HPS4: variants seen among roughly 807,000 people sequenced by gnomAD.
HPS4 encodes BLOC-3 complex member HPS4.
HPS4 carries 44 observed loss-of-function variants against 70.3 expected under a neutral mutation model. That is an observed-to-expected ratio of 0.63 (90% CI 0.49 to 0.80). HPS4 has a LOEUF of 0.80. Among genes scored for constraint, HPS4 ranks in the 30% least tolerant of loss-of-function variants. The pLI, the probability that HPS4 is intolerant of heterozygous loss-of-function variation, is 0.00. For missense variants in HPS4, 873 were observed against 884.4 expected (o/e 0.99, Z 0.16); for synonymous variants, 377 against 355.9 (o/e 1.06, Z -0.67).
At chr22:26,460,442 C>T (rs1281584943) in intron 11 of HPS4, among the ~76,000 whole-genome samples, 1 of 152,228 alleles carries the variant, frequency 6.6e-6, no homozygotes, top group Admixed American at 6.5e-5. Context: ...AGTCAAACCA[C>T]AGCCTCACTG....
At chr22:26,456,857 T>A (rs1037510796) in intron 13 of HPS4, among the ~76,000 whole-genome samples, 1 of 152,106 alleles carries the variant, frequency 6.6e-6, no homozygotes, top group African/African-American at 2.4e-5. Flanking sequence ...TCTGGTTTCA[T>A]AAGAGAAGCA....
rs777788804 is a variant in HPS4 at position 26,466,181 on chromosome 22, A to G, written c.706+45T>C. 5 of 1,613,552 alleles carry G rather than the reference A, an allele frequency of 3.1e-6. No homozygotes were observed. The East Asian group carries it at 8.9e-5, about 29-fold the overall frequency. On this transcript the variant is annotated intron_variant, in intron 9 of 13. Transcript: ENST00000398145. ...AACTTGTACAGGGGTAGGTAGCATA[A>G]AAGACCGCCGTTCTCAAGAGGCAAC... is the stretch of plus-strand genomic sequence containing the variant.
chr22:26,468,201 C>G (rs2089077765), intron 8 of HPS4: 1 of 327,416 alleles, frequency 3.1e-6, no homozygotes, highest in African/African-American at 2.2e-5. Flanking sequence ...CCGTGCCCAA[C>G]CCCCTAAATC....
At chr22:26,444,934 C>T (rs940838903) in intron 3 of HPS4, 5 of 152,172 alleles carry the variant, frequency 3.3e-5, no homozygotes, top group African/African-American at 1.2e-4. Context: ...AACCAACAGC[C>T]CGCGCAGGTA....
At position 26,464,709 on chromosome 22, in the gene HPS4, G is replaced by T. The variant is rs745353489; in HGVS notation, c.921C>A (p.Thr307=). 1.3e-5 allele frequency: 21 copies of T among 1,604,582 alleles called. No homozygotes were observed. The highest frequency in any genetic ancestry group is 1.7e-5 in the Non-Finnish European group (20 of 1,173,868). Residue 307 remains threonine, a synonymous_variant, in exon 11 of 14, where the codon ACC becomes ACA. Transcript: ENST00000398145. The part of the protein sequence containing the change: ...ATGHVESMAW[T]TPDPTSPDEA... ...CGTCAGGGGATGTGGGATCTGGGGT[G>T]GTCCAGGCCATGGATTCCACATGGC...
downstream of HPS4, among the ~76,000 whole-genome samples, chr22:26,445,972 G>A (rs111749765): frequency 8.5e-3 from 1,295 of 152,292 alleles, 8 homozygotes; most frequent in Middle Eastern, 0.017. Flanking sequence ...ACCTGCAAGC[G>A]AGGTTCCAGC....
At position 26,464,506 on chromosome 22, in the gene HPS4, G is replaced by A. The variant is rs558884663; in HGVS notation, c.1124C>T (p.Pro375Leu). The A allele has an allele frequency of 3.1e-6, 5 of 1,614,238 alleles. No homozygotes were observed. Among genetic ancestry groups the A allele is most frequent in the East Asian group, 4.5e-5 (2 of 44,878 alleles). ...EELDLSEIHI[P>L]EAQEVEMASG... The stretch of plus-strand genomic sequence containing the variant: ...GGCCATTTCCACTTCCTGAGCCTCT[G>A]GAATGTGGATTTCAGACAAGTCGAG... The change falls in exon 11 of 14, where the codon CCA (proline) becomes CTA (leucine). Residue 375 changes from proline to leucine, a missense_variant. Physicochemically the swap from Pro to Leu is moderately conservative, Grantham distance 98. Coordinates refer to ENST00000398145, the MANE Select transcript of HPS4 (RefSeq NM_022081.6).
chr22:26,478,769 T>G (rs2090939925), intron 3 of HPS4, among the ~76,000 whole-genome samples: 1 of 150,478 alleles, frequency 6.6e-6, no homozygotes, highest in Non-Finnish European at 1.5e-5. Flanking sequence ...ACTGCAACTC[T>G]GCCTCCTGGA....
intron 11 of HPS4, among the ~76,000 whole-genome samples, chr22:26,459,663 G>A (rs1308832184): frequency 6.6e-6 from 1 of 152,158 alleles, no homozygotes; most frequent in Non-Finnish European, 1.5e-5. Flanking sequence ...AACATCCCAA[G>A]TTCAGCCTCT....
rs1440072192 is a variant in HPS4 at position 26,452,876 on chromosome 22, G to A, written c.*357C>T. ...TGGGCTAGTGGACGATCAGGTTCTA[G>A]AAAAAATGCCAACTTGGAAGCTTGT... On this transcript the variant is annotated 3_prime_UTR_variant, in exon 14 of 14. Coordinates refer to ENST00000398145, the MANE Select transcript of HPS4 (RefSeq NM_022081.6). The A allele has an allele frequency of 3.1e-6, 1 of 318,926 alleles. No individual in the cohort carries two copies. The highest frequency in any genetic ancestry group is 2.2e-5 in the African/African-American group (1 of 46,024). 19.8% of individuals were successfully genotyped at this position (318,926 alleles called of 1,614,324 possible).
chr22:26,465,222 A>G (rs1156412581), intron 10 of HPS4, among the ~76,000 whole-genome samples: 2 of 152,212 alleles, frequency 1.3e-5, no homozygotes, highest in African/African-American at 2.4e-5. Context: ...GGACTTGCCC[A>G]AGGTCCCATA....
downstream of HPS4, among the ~76,000 whole-genome samples, chr22:26,450,632 T>C (rs368104609): frequency 6.6e-6 from 1 of 152,214 alleles, no homozygotes; most frequent in African/African-American, 2.4e-5. Flanking sequence ...GTAGTTCTCA[T>C]AGTCCCCACA....
rs1231371093 is a variant in HPS4, at chr22:26,451,190, G to A, written c.*2043C>T. On this transcript the variant is annotated 3_prime_UTR_variant, in exon 14 of 14. Coordinates refer to ENST00000398145, the MANE Select transcript of HPS4 (RefSeq NM_022081.6). ...GTGGTGCCCATTCCAGCAAGAACAT[G>A]CTGCTTGGCTGTCCGTCGCTTGGCC... is the stretch of plus-strand genomic sequence containing the variant. Among the ~76,000 whole-genome samples, 1 of 152,212 alleles carries A rather than the reference G, an allele frequency of 6.6e-6. No individual in the cohort carries two copies. The highest frequency in any genetic ancestry group is 1.5e-5 in the Non-Finnish European group (1 of 68,046).
chr22:26,477,630 C>T (rs571337025), intron 3 of HPS4, among the ~76,000 whole-genome samples: 5 of 152,250 alleles, frequency 3.3e-5, no homozygotes, highest in African/African-American at 1.2e-4. Flanking sequence ...TTAACTAACG[C>T]ACAGGACAGC....
chr22:26,477,474 C>T (rs908433280), intron 3 of HPS4, among the ~76,000 whole-genome samples: 4 of 152,176 alleles, frequency 2.6e-5, no homozygotes, highest in African/African-American at 9.7e-5. Flanking sequence ...GGATTATAGG[C>T]ATATGCTTAG....
intron 8 of HPS4, 151 bp from the exon 9 acceptor site, chr22:26,466,413 C>T: frequency 2.4e-6 from 2 of 832,024 alleles, no homozygotes; most frequent in Non-Finnish European, 4.0e-6. Context: ...GCAGATGGAA[C>T]AGAAGCTCCC....
intron 6 of HPS4, 173 bp from the exon 7 acceptor site, chr22:26,470,986 C>G (rs1395189514): frequency 7.2e-7 from 1 of 1,393,978 alleles, no homozygotes; most frequent in Non-Finnish European, 9.9e-7. Context: ...TTCTACCTCT[C>G]TATACTCAGA....
At chr22:26,446,884 C>A (rs144754304), downstream of HPS4, among the ~76,000 whole-genome samples, 1 of 152,208 alleles carries the variant, frequency 6.6e-6, no homozygotes, top group African/African-American at 2.4e-5. Flanking sequence ...CCCGCTTCCA[C>A]GCCTGGCTAA....
At chr22:26,478,232 G>GA (rs890827068) in intron 3 of HPS4, among the ~76,000 whole-genome samples, 17 of 147,210 alleles carry the variant, frequency 1.2e-4, no homozygotes, top group South Asian at 2.1e-4. Flanking sequence ...TTTGCTCCAG[G>GA]AAAAAAAAAA....
Sources: allele counts gnomAD v4.1 joint callset (sites outside exome capture counted in the v4.1 genomes callset), GRCh38; gene constraint gnomAD v4.1.1; transcripts MANE v1.5; gene names NCBI Gene and HGNC (gene_info 2026-07-23, HGNC 2026-07-21).